MARCHF1: variants seen among roughly 807,000 people sequenced by gnomAD.
MARCHF1 encodes the protein E3 ubiquitin-protein ligase MARCHF1.
Under a neutral mutation model 54.2 loss-of-function variants are expected in MARCHF1, and 40 were observed. The observed-to-expected ratio is 0.74, with a 90% CI of 0.57 to 0.96. The LOEUF is 0.96. Among genes scored for constraint, MARCHF1 ranks in the 40% least tolerant of loss-of-function variants. The pLI is 0.00. For synonymous variants in MARCHF1, 236 were observed against 236.3 expected, an observed-to-expected ratio of 1.00 and a Z score of 0.01; for missense variants, 586 against 656.5, an observed-to-expected ratio of 0.89 and a Z score of 1.17.
At chr4:163,722,667 C>G (rs1472620648) in intron 4 of MARCHF1, among the ~76,000 whole-genome samples, 1 of 152,150 alleles carries the variant, frequency 6.6e-6, no homozygotes, top group Non-Finnish European at 1.5e-5. Context: ...GAGTCTAAAT[C>G]TCTTTGTAGA....
intron 5 of MARCHF1, among the ~76,000 whole-genome samples, chr4:163,642,489 C>A (rs1461278039): frequency 2.0e-5 from 3 of 152,138 alleles, no homozygotes; most frequent in African/African-American, 7.2e-5. Flanking sequence ...CTGGGTGAAT[C>A]TCATTGAATT....
At chr4:164,325,643 C>T (rs1025312106) in intron 1 of MARCHF1, among the ~76,000 whole-genome samples, 3 of 151,954 alleles carry the variant, frequency 2.0e-5, no homozygotes, top group Non-Finnish European at 2.9e-5. Context: ...GCAGGAGAAT[C>T]GCTTGAACCC....
chr4:164,121,823 T>C (rs1389586620), intron 1 of MARCHF1, among the ~76,000 whole-genome samples: 2 of 151,976 alleles, frequency 1.3e-5, no homozygotes, highest in East Asian at 3.9e-4. Context: ...GAAGGAGAGA[T>C]TACTTCCAAA....
intron 5 of MARCHF1, among the ~76,000 whole-genome samples, chr4:163,681,323 C>T (rs549855350): frequency 6.6e-6 from 1 of 152,208 alleles, no homozygotes; most frequent in Non-Finnish European, 1.5e-5. Context: ...TATCTCAAGC[C>T]AAGTAAGGGA....
chr4:164,256,154 G>T (rs112874200), intron 1 of MARCHF1, among the ~76,000 whole-genome samples: 1 of 151,570 alleles, frequency 6.6e-6, no homozygotes, highest in Non-Finnish European at 1.5e-5. Flanking sequence ...AGAAAAATAC[G>T]TTTAAATTGT....
chr4:163,920,286 T>C (rs1428090820), intron 3 of MARCHF1, among the ~76,000 whole-genome samples: 2 of 152,200 alleles, frequency 1.3e-5, no homozygotes, highest in East Asian at 1.9e-4. Flanking sequence ...ATATTGTTAA[T>C]GTGTAAGAAC....
chr4:163,544,259 A>G (rs1486191642), intron 9 of MARCHF1, among the ~76,000 whole-genome samples: 1 of 152,224 alleles, frequency 6.6e-6, no homozygotes, highest in African/African-American at 2.4e-5. Flanking sequence ...ACTCTCTGAA[A>G]CAGTACATAA....
chr4:163,875,984 T>G (rs927833391), intron 3 of MARCHF1, among the ~76,000 whole-genome samples: 1 of 152,084 alleles, frequency 6.6e-6, no homozygotes, highest in Non-Finnish European at 1.5e-5. Context: ...CATAAGGACA[T>G]ATATATTGAA....
At chr4:163,564,633 G>A (rs1265889840) in intron 8 of MARCHF1, among the ~76,000 whole-genome samples, 1 of 152,226 alleles carries the variant, frequency 6.6e-6, no homozygotes, top group Non-Finnish European at 1.5e-5. Context: ...AGATCAGTGA[G>A]TGAGTGACTA....
intron 1 of MARCHF1, among the ~76,000 whole-genome samples, chr4:164,333,086 G>GA (rs1220320490): frequency 4.6e-5 from 7 of 151,322 alleles, no homozygotes; most frequent in Admixed American, 3.3e-4. Context: ...AGAGGAGTGT[G>GA]AAAAAAAAGA....
At chr4:164,002,645 T>C (rs1753208585) in intron 2 of MARCHF1, among the ~76,000 whole-genome samples, 1 of 151,668 alleles carries the variant, frequency 6.6e-6, no homozygotes, top group Non-Finnish European at 1.5e-5. Flanking sequence ...GGAAAATACA[T>C]TGAACGAAAT....
At chr4:163,953,832 A>G (rs1248241356) in intron 3 of MARCHF1, among the ~76,000 whole-genome samples, 3 of 152,172 alleles carry the variant, frequency 2.0e-5, no homozygotes, top group Admixed American at 1.3e-4. Flanking sequence ...TCATTTCTTT[A>G]TGTATTGGCT....
intron 1 of MARCHF1, among the ~76,000 whole-genome samples, chr4:164,176,200 G>C (rs1424917762): frequency 6.6e-6 from 1 of 152,126 alleles, no homozygotes; most frequent in Non-Finnish European, 1.5e-5. Flanking sequence ...ACTAAGGCAA[G>C]CCTGACTAAA....
intron 1 of MARCHF1, among the ~76,000 whole-genome samples, chr4:164,263,852 C>T (rs543587132): frequency 1.1e-4 from 16 of 152,242 alleles, no homozygotes; most frequent in Admixed American, 7.2e-4. Flanking sequence ...ATAACCGATG[C>T]TAGTGAGGTT....
At position 163,889,919 on chromosome 4, in the gene MARCHF1, C is replaced by CTTTTTTTTTTTTTTTTTTT. The variant is rs146357456; in HGVS notation, c.-38-35751_-38-35750insAAAAAAAAAAAAAAAAAAA. Among the ~76,000 whole-genome samples the CTTTTTTTTTTTTTTTTTTT allele has an allele frequency of 1.7e-5, 2 of 117,238 alleles. 1 individual carries two copies. The highest frequency in any genetic ancestry group is 3.3e-5 in the Non-Finnish European group (2 of 59,706). 76.9% of individuals were successfully genotyped at this position (117,238 alleles called of 152,430 possible). Reference sequence around the variant, plus strand: ...ATGTTAAACTTCGTTTATTTATTTTCTTTTTTCTTTTTTTTTTTTTTTTGA... The same window carrying CTTTTTTTTTTTTTTTTTTT: ...ATGTTAAACTTCGTTTATTTATTTTCTTTTTTTTTTTTTTTTTTTTTTTTTCTTTTTTTTTTTTTTTTGA... On this transcript the variant is annotated intron_variant, in intron 3 of 9. Coordinates refer to ENST00000514618, the MANE Select transcript of MARCHF1 (RefSeq NM_001394959.1).
chr4:164,192,231 G>T (rs888876904), intron 1 of MARCHF1, among the ~76,000 whole-genome samples: 3 of 152,128 alleles, frequency 2.0e-5, no homozygotes, highest in African/African-American at 7.2e-5. Context: ...AGTTCATAGT[G>T]TCTGTAACCA....
intron 9 of MARCHF1, chr4:163,530,847 T>C (rs553620096): frequency 3.9e-5 from 6 of 152,064 alleles, no homozygotes; most frequent in Non-Finnish European, 7.4e-5. Context: ...TCATCTTGAA[T>C]ATTTACTTAA....
chr4:164,383,085 C>G (rs1731423034), intron 1 of MARCHF1: 2 of 152,212 alleles, frequency 1.3e-5, no homozygotes, highest in African/African-American at 4.8e-5. Flanking sequence ...TTCCCTCACA[C>G]CATTTGGGGA....
At chr4:163,908,874 T>C (rs1203916003) in intron 3 of MARCHF1, among the ~76,000 whole-genome samples, 1 of 152,112 alleles carries the variant, frequency 6.6e-6, no homozygotes, top group Non-Finnish European at 1.5e-5. Flanking sequence ...CTAGTGTAGA[T>C]GTGCAAGATT....
Sources: gnomAD v4.1 joint callset for allele counts (sites outside exome capture counted in the v4.1 genomes callset) on GRCh38, gnomAD v4.1.1 for gene constraint, MANE v1.5 for transcripts, NCBI Gene and HGNC (gene_info 2026-07-23, HGNC 2026-07-21) for gene names.